The following RSPO3 variants were observed in gnomAD, a reference collection of about 807,000 sequenced individuals.
The protein encoded by RSPO3 is R-spondin 3, also known as R-spondin-3.
RSPO3 carries 17 observed loss-of-function variants against 36.5 expected under a neutral mutation model. The ratio of observed to expected loss-of-function variants is 0.47; its 90% CI spans 0.32 to 0.70. The LOEUF (loss-of-function observed/expected upper bound fraction) is 0.70, where lower values mean the gene tolerates loss of function less well. RSPO3 is among the 30% of genes least tolerant of loss of function. The pLI is 0.04. For synonymous variants in RSPO3, 108 were observed against 107.0 expected (o/e 1.01, Z -0.06); for missense variants, 294 against 322.5 (o/e 0.91, Z 0.68).
At chr6:127,170,452 C>A (rs906827854) in intron 4 of RSPO3, among the ~76,000 whole-genome samples, 1 of 151,240 alleles carries the variant, frequency 6.6e-6, no homozygotes, top group East Asian at 2.0e-4. Context: ...CACACACACA[C>A]AAATATACAT....
chr6:127,185,400 T>C (rs1397587994), intron 4 of RSPO3, among the ~76,000 whole-genome samples: 1 of 151,878 alleles, frequency 6.6e-6, no homozygotes, highest in Admixed American at 6.6e-5. Context: ...GGGTTTTCTA[T>C]GTTTTTCAAA....
chr6:127,140,347 C>A (rs543540479), intron 1 of RSPO3, among the ~76,000 whole-genome samples: 2 of 152,244 alleles, frequency 1.3e-5, no homozygotes, highest in Admixed American at 6.5e-5. Context: ...TATTCCCACA[C>A]ACACACTTAC....
At chr6:127,185,426 G>A (rs1438609171) in intron 4 of RSPO3, among the ~76,000 whole-genome samples, 1 of 152,094 alleles carries the variant, frequency 6.6e-6, no homozygotes, top group African/African-American at 2.4e-5. Context: ...TAAGAAACCA[G>A]TAGTTTGAAG....
chr6:127,153,571 A>C (rs1423723867), intron 3 of RSPO3, among the ~76,000 whole-genome samples: 1 of 152,060 alleles, frequency 6.6e-6, no homozygotes, highest in Non-Finnish European at 1.5e-5. Flanking sequence ...TCATCTTCTG[A>C]CTATAAACTA....
chr6:127,129,375 G>T (rs961540340), intron 1 of RSPO3, among the ~76,000 whole-genome samples: 10 of 151,996 alleles, frequency 6.6e-5, no homozygotes, highest in Admixed American at 6.6e-4. Context: ...AAGTGGGGTG[G>T]AAGTCTGGGC....
chr6:127,118,751 C>A lies in RSPO3; in HGVS notation c.-442C>A, dbSNP rs1191038962. ...CCCTTGGCCATGGCCGCTGTGCCGACGGCGCCCGCTCCCCTGCGCTCCAGG... is the reference window on the plus strand; with the variant it reads ...CCCTTGGCCATGGCCGCTGTGCCGAAGGCGCCCGCTCCCCTGCGCTCCAGG... On this transcript the variant is annotated 5_prime_UTR_variant, in exon 1 of 5. Coordinates refer to ENST00000356698, the MANE Select transcript of RSPO3 (RefSeq NM_032784.5). 7 of 153,154 alleles carry A rather than the reference C, an allele frequency of 4.6e-5. No individual in the cohort carries two copies. Among genetic ancestry groups the A allele is most frequent in the African/African-American group, 1.7e-4 (7 of 41,280 alleles). 9.5% of individuals were successfully genotyped at this position (153,154 alleles called of 1,614,324 possible).
chr6:127,119,331 G>T (rs1374477373), intron 1 of RSPO3, 42 bp downstream of exon 1: 1 of 1,453,196 alleles, frequency 6.9e-7, no homozygotes, highest in African/African-American at 1.4e-5. Flanking sequence ...CTCCCGCCGC[G>T]TTCACCTGTC....
intron 1 of RSPO3, among the ~76,000 whole-genome samples, chr6:127,144,355 T>C (rs1774337510): frequency 6.6e-6 from 1 of 152,158 alleles, no homozygotes; most frequent in Admixed American, 6.5e-5. Flanking sequence ...ATCAAAGATC[T>C]CTATTTTCAC....
intron 1 of RSPO3, among the ~76,000 whole-genome samples, chr6:127,121,968 G>A (rs539110052): frequency 7.1e-6 from 1 of 141,268 alleles, no homozygotes; most frequent in Non-Finnish European, 1.5e-5. Context: ...GATATGACAG[G>A]TAGAAAATTA....
chr6:127,131,461 C>T (rs953826149), intron 1 of RSPO3, among the ~76,000 whole-genome samples: 8 of 152,066 alleles, frequency 5.3e-5, no homozygotes, highest in African/African-American at 1.7e-4. Flanking sequence ...CTATTTAATT[C>T]ACAAGCTGTT....
chr6:127,174,422 A>G lies in RSPO3; in HGVS notation c.634+18984A>G, dbSNP rs186797769. ...TATTTTTACAAACACTTCATTTAGC[A>G]TAATTTTGAAATGGTGGATATGTTC... On this transcript the variant is annotated intron_variant, in intron 4 of 4. Transcript: ENST00000356698. 1.4e-4 allele frequency among the ~76,000 whole-genome samples: 22 copies of G among 152,034 alleles called. No individual in the cohort carries two copies. In the East Asian group the frequency reaches 4.3e-3, roughly 30 times the overall value.
chr6:127,138,922 C>G (rs1378712146), intron 1 of RSPO3, among the ~76,000 whole-genome samples: 1 of 152,150 alleles, frequency 6.6e-6, no homozygotes. Flanking sequence ...GAGTGCAGAT[C>G]CAGTACCTCT....
intron 4 of RSPO3, among the ~76,000 whole-genome samples, chr6:127,167,330 T>C (rs1283821818): frequency 6.6e-6 from 1 of 151,974 alleles, no homozygotes; most frequent in Non-Finnish European, 1.5e-5. Flanking sequence ...CGTGTGTCCA[T>C]GCGTTCTCAT....
chr6:127,149,429 C>T (rs1049009880), intron 2 of RSPO3, among the ~76,000 whole-genome samples: 1 of 152,076 alleles, frequency 6.6e-6, no homozygotes, highest in Non-Finnish European at 1.5e-5. Context: ...CTTCCCTTCT[C>T]ATAAGATCTT....
At chr6:127,159,748 A>G (rs1774669659) in intron 4 of RSPO3, among the ~76,000 whole-genome samples, 1 of 147,746 alleles carries the variant, frequency 6.8e-6, no homozygotes, top group Non-Finnish European at 1.5e-5. Context: ...TCCTGAGTTC[A>G]AGCGATTCTC....
chr6:127,134,864 T>C (rs879675605), intron 1 of RSPO3, among the ~76,000 whole-genome samples: 1 of 152,194 alleles, frequency 6.6e-6, no homozygotes, highest in Non-Finnish European at 1.5e-5. Context: ...TCAGAGATGG[T>C]AAACCTAAAC....
chr6:127,139,996 A>G (rs1774238781), intron 1 of RSPO3, among the ~76,000 whole-genome samples: 1 of 152,174 alleles, frequency 6.6e-6, no homozygotes, highest in Admixed American at 6.6e-5. Context: ...CAGTTTCAAT[A>G]GCAGCATCAA....
intron 1 of RSPO3, among the ~76,000 whole-genome samples, chr6:127,120,439 T>TG (rs993112613): frequency 6.6e-6 from 1 of 152,206 alleles, no homozygotes; most frequent in African/African-American, 2.4e-5. Flanking sequence ...GCTGCTGCTC[T>TG]GGGCTCTCGC....
intron 3 of RSPO3, 114 bp downstream of exon 3, chr6:127,150,686 G>A: frequency 1.1e-6 from 1 of 932,652 alleles, no homozygotes; most frequent in Non-Finnish European, 1.6e-6. Context: ...ATCTCTTAAA[G>A]GCTGTCTCCA....
Sources: gnomAD v4.1 joint callset for allele counts (sites outside exome capture counted in the v4.1 genomes callset) on GRCh38, gnomAD v4.1.1 for gene constraint, MANE v1.5 for transcripts, NCBI Gene and HGNC (gene_info 2026-07-23, HGNC 2026-07-21) for gene names.